Variants in PLCB3 observed in about 807,000 individuals in gnomAD.
PLCB3 encodes the protein 1-phosphatidylinositol 4,5-bisphosphate phosphodiesterase beta-3.
A neutral mutation model predicts 152.1 loss-of-function variants in PLCB3; 54 were observed. That is an observed-to-expected ratio of 0.36 (90% CI 0.29 to 0.45). PLCB3 has a LOEUF of 0.45. Among genes scored for constraint, PLCB3 ranks in the 20% least tolerant of loss-of-function variants. The pLI is 1.00. For missense variants in PLCB3, 1,248 were observed against 1,687.5 expected (o/e 0.74, Z 4.56); for synonymous variants, 717 against 698.7 (o/e 1.03, Z -0.41).
chr11:64,254,924 C>T lies in PLCB3; in HGVS notation c.273C>T (p.Gly91=). The T allele has an allele frequency of 1.2e-6, 2 of 1,605,254 alleles. No homozygotes were observed. Among genetic ancestry groups the T allele is most frequent in the South Asian group, 1.1e-5 (1 of 90,084 alleles). The stretch of plus-strand genomic sequence containing the variant: ...ACCCCAAGATCCGGGAAGTTCTGGG[C>T]TTTGGGGGTCCCGATGCCCGGCTGG... ...PKDPKIREVL[G]FGGPDARLEE... The change falls in exon 4 of 31, where the codon GGC becomes GGT. Residue 91 remains glycine, a synonymous_variant. Transcript: ENST00000279230.
At chr11:64,251,773 C>T in intron 1 of PLCB3, 25 bp downstream of exon 1, 2 of 1,320,824 alleles carry the variant, frequency 1.5e-6, no homozygotes, top group Non-Finnish European at 2.0e-6. Context: ...CCCTGCTCCG[C>T]CCAAATCCCG....
intron 1 of PLCB3, 66 bp downstream of exon 1, chr11:64,251,814 TG>T: frequency 3.1e-6 from 3 of 976,282 alleles, no homozygotes; most frequent in South Asian, 2.5e-5. Context: ...GACCAGACGC[TG>T]GGGACCCCCA....
chr11:64,260,641 C>T (rs1420567174), intron 14 of PLCB3, among the ~76,000 whole-genome samples: 3 of 151,864 alleles, frequency 2.0e-5, no homozygotes, highest in African/African-American at 4.8e-5. Context: ...GGCGTGGTGG[C>T]TCACACCTGT....
Position 64,254,424 on chromosome 11 carries a change from A to T in PLCB3, c.109A>T (p.Ser37Cys), listed in dbSNP as rs1035422005. ...CCTGTGCTGTCCTCAGGAGACCTCCAGTCGGAACCTGGTGACCCTGCGTGT... is the reference window on the plus strand; with the variant it reads ...CCTGTGCTGTCCTCAGGAGACCTCCTGTCGGAACCTGGTGACCCTGCGTGT... ...KFIKWDEETS[S>C]RNLVTLRVDP... Residue 37 changes from serine to cysteine, a missense_variant, in exon 2 of 31, where the codon AGT becomes TGT. Around this residue, in one of 6 missense-constraint regions of PLCB3, gnomAD observed 299 missense variants for 434.7 expected, o/e 0.69. Coordinates refer to ENST00000279230, the MANE Select transcript of PLCB3 (RefSeq NM_000932.5). 3.1e-6 allele frequency: 5 copies of T among 1,613,846 alleles called. No individual in the cohort carries two copies.
chr11:64,256,568 T>C (rs569919320), intron 9 of PLCB3, 26 bp downstream of exon 9: 2 of 1,612,838 alleles, frequency 1.2e-6, no homozygotes, highest in African/African-American at 2.7e-5. Flanking sequence ...TGCAGGTGGG[T>C]GGGGGCAGGT....
At chr11:64,263,052 C>T (rs903686367) in intron 19 of PLCB3, among the ~76,000 whole-genome samples, 5 of 152,142 alleles carry the variant, frequency 3.3e-5, no homozygotes, top group Admixed American at 6.5e-5. Flanking sequence ...TCTTGTGTCC[C>T]CTGCGAGGAG....
At position 64,251,630 on chromosome 11, in the gene PLCB3, G is replaced by A. The variant is rs2031204577; in HGVS notation, c.-20G>A. 2 of 1,394,514 alleles carry A rather than the reference G, an allele frequency of 1.4e-6. No individual in the cohort carries two copies. The highest frequency in any genetic ancestry group is 6.2e-5 in the East Asian group (2 of 32,078). 86.4% of individuals were successfully genotyped at this position (1,394,514 alleles called of 1,614,324 possible). On this transcript the variant is annotated 5_prime_UTR_variant, in exon 1 of 31. Transcript: ENST00000279230. ...CCCCGTCAGGGCTCCGTGGGTCCCC[G>A]ACCCGCCCCTGGCCGGGCCATGGCG...
chr11:64,267,695 A>C lies in PLCB3; in HGVS notation c.*139A>C, dbSNP rs2032199269. 3.1e-5 allele frequency: 22 copies of C among 699,382 alleles called. No homozygotes were observed. Among genetic ancestry groups the C allele is most frequent in the Non-Finnish European group, 4.4e-5 (19 of 432,070 alleles). The allele number at this position is 699,382 out of a possible 1,614,324, so 43.3% of individuals were successfully genotyped here. On this transcript the variant is annotated 3_prime_UTR_variant, in exon 31 of 31. Transcript: ENST00000279230. This position sits in a 1 kb window ranked among gnomAD's most constrained non-coding sequence, Gnocchi z 5.2. ...TTTTTAAACCCGGGGCAAGTACCTC[A>C]GCTAACTCCCTTCATCCTCCTGGGG...
At position 64,263,800 on chromosome 11, in the gene PLCB3, G is replaced by A. The variant is rs1195405333; in HGVS notation, c.2560+5G>A. On this transcript the variant is annotated splice_donor_5th_base_variant and intron_variant, in intron 21 of 30. Coordinates refer to ENST00000279230, the MANE Select transcript of PLCB3 (RefSeq NM_000932.5). ...ACATTCCTGACGACCACCAGGGTGA[G>A]CTGGGGGTGGGCGGGGCCTGCCTGG... The A allele has an allele frequency of 8.7e-6, 14 of 1,607,534 alleles. No homozygotes were observed. Among genetic ancestry groups the A allele is most frequent in the Non-Finnish European group, 1.2e-5 (14 of 1,175,140 alleles).
rs1013657289 is a variant in PLCB3 at position 64,267,096 on chromosome 11, G to A, written c.3415-89G>A. The stretch of plus-strand genomic sequence containing the variant: ...GATGTGAGCCACTGCACCCGGCCTC[G>A]CCCACCTGACTTCTATACCCAGCCA... On this transcript the variant is annotated intron_variant, in intron 29 of 30. Transcript: ENST00000279230. The surrounding 1 kb of genome is among the most constrained non-coding windows in gnomAD (Gnocchi z 5.2). 16 of 1,198,440 alleles carry A rather than the reference G, an allele frequency of 1.3e-5. 1 individual carries two copies. The Middle Eastern group carries it at 1.1e-3, about 80-fold the overall frequency. 74.2% of individuals were successfully genotyped at this position (1,198,440 alleles called of 1,614,324 possible).
In PLCB3 at chr11:64,251,766, T is replaced by C; in HGVS notation, c.99+18T>C. ...GGGACGAGGTAAGCGCGCGGGCCCC[T>C]GCTCCGCCCAAATCCCGGGACTCTT... On this transcript the variant is annotated intron_variant, in intron 1 of 30. Transcript: ENST00000279230. 1 of 1,358,928 alleles carries C rather than the reference T, an allele frequency of 7.4e-7. No individual in the cohort carries two copies. The highest frequency in any genetic ancestry group is 9.7e-7 in the Non-Finnish European group (1 of 1,028,584). 84.2% of individuals were successfully genotyped at this position (1,358,928 alleles called of 1,614,324 possible). A position where few individuals can be genotyped will look rare whatever the true frequency, so the allele number is the denominator to read the frequency against.
At position 64,254,801 on chromosome 11, in the gene PLCB3, C is replaced by T. The variant is rs751933790; in HGVS notation, c.231C>T (p.Tyr77=). 30 of 1,613,672 alleles carry T rather than the reference C, an allele frequency of 1.9e-5. No homozygotes were observed. The highest frequency in any genetic ancestry group is 4.5e-5 in the East Asian group (2 of 44,880). ...TCAGGGACACACGGACAGGCCGGTA[C>T]GCCCGCCTGCCCAAGGTGAGTGATG... ...SSIRDTRTGR[Y]ARLPKDPKIR... is the part of the protein sequence containing the mutation. The change falls in exon 3 of 31, where the codon TAC becomes TAT. Residue 77 remains tyrosine (Y), a synonymous_variant. Transcript: ENST00000279230.
chr11:64,251,780 C>T, intron 1 of PLCB3, 32 bp downstream of exon 1: 2 of 1,252,320 alleles, frequency 1.6e-6, no homozygotes, highest in Non-Finnish European at 2.1e-6. Flanking sequence ...CCGCCCAAAT[C>T]CCGGGACTCT....
intron 8 of PLCB3, 39 bp from the exon 9 acceptor site, chr11:64,256,337 G>A: frequency 6.3e-7 from 1 of 1,596,224 alleles, no homozygotes. Context: ...TGGGAGCCCT[G>A]CCAGGCTCCA....
At position 64,255,678 on chromosome 11, in the gene PLCB3, C is replaced by T. The variant is rs2849006; in HGVS notation, c.598-43C>T. The T allele has an allele frequency of 1.2e-6, 2 of 1,605,928 alleles. No individual in the cohort carries two copies. Among genetic ancestry groups the T allele is most frequent in the African/African-American group, 1.3e-5 (1 of 74,774 alleles). ...ACGGTGGGCACCCACCCTTACGGGG[C>T]TGCCCGCCCCTGGCTTCTCACCCCA... On this transcript the variant is annotated intron_variant, in intron 7 of 30. Coordinates refer to ENST00000279230, the MANE Select transcript of PLCB3 (RefSeq NM_000932.5). The surrounding 1 kb of genome is among the most constrained non-coding windows in gnomAD (Gnocchi z 6.8).
rs1442297295 is a variant in PLCB3 at position 64,265,967 on chromosome 11, G to A, written c.3117G>A (p.Val1039=). Residue 1039 remains valine (V), a synonymous_variant, in exon 26 of 31, where the codon GTG becomes GTA. Coordinates refer to ENST00000279230, the MANE Select transcript of PLCB3 (RefSeq NM_000932.5). ...KRYQEFQNRQ[V]QSLLELREAQ... is the part of the protein sequence containing the mutation. ...ATCAGGAGTTCCAGAACAGACAGGT[G>A]CAGAGCCTGCTGGAGCTGCGGGAGG... 18 of 1,614,068 alleles carry A rather than the reference G, an allele frequency of 1.1e-5. No homozygotes were observed. The highest frequency in any genetic ancestry group is 1.4e-5 in the Non-Finnish European group (17 of 1,180,016).
In PLCB3 at chr11:64,260,065, A is replaced by C. The variant is rs1236195612; in HGVS notation, c.1562A>C (p.Asn521Thr). The change falls in exon 14 of 31, where the codon AAT becomes ACT. Residue 521 changes from asparagine to threonine, a missense_variant. Asn to Thr is a moderately conservative substitution (Grantham distance 65). This residue lies in a region of PLCB3 where 105 missense variants were observed against 100.9 expected (regional missense o/e 1.04). Coordinates refer to ENST00000279230, the MANE Select transcript of PLCB3 (RefSeq NM_000932.5). ...PSSDSCPGLS[N>T]GEEVGLEKPS... The stretch of plus-strand genomic sequence containing the variant: ...TCTGACAGCTGCCCAGGCCTGAGCA[A>C]TGGGGAGGAGGTAGGGCTTGAGAAG... 6.2e-7 allele frequency: 1 copy of C among 1,611,900 alleles called. No individual in the cohort carries two copies. The highest frequency in any genetic ancestry group is 1.7e-5 in the Admixed American group (1 of 59,406).
At position 64,258,466 on chromosome 11, in the gene PLCB3, G is replaced by A. The variant is rs113115779; in HGVS notation, c.1013-7G>A. On this transcript the variant is annotated splice_polypyrimidine_tract_variant and splice_region_variant and intron_variant, in intron 10 of 30. Transcript: ENST00000279230. This position sits in a 1 kb window ranked among gnomAD's most constrained non-coding sequence, Gnocchi z 7.2. ...GCGGCCTCGGTGACAGAGCCTCGCC[G>A]CCCCAGCGGGGCAGCTGGCTGGGAC... The A allele has an allele frequency of 1.0e-4, 164 of 1,610,570 alleles. No individual in the cohort carries two copies. The highest frequency in any genetic ancestry group is 1.2e-4 in the Non-Finnish European group (147 of 1,178,542).
intron 14 of PLCB3, among the ~76,000 whole-genome samples, chr11:64,260,772 C>A (rs77412401): frequency 5.9e-3 from 423 of 71,360 alleles, no homozygotes; most frequent in South Asian, 0.014. Context: ...GACACTATCT[C>A]AAAAAAAAAA....
Sources: allele counts gnomAD v4.1 joint callset (sites outside exome capture counted in the v4.1 genomes callset), GRCh38; gene constraint gnomAD v4.1.1; regional missense constraint gnomAD v4.1.1; non-coding constraint Gnocchi (gnomAD v3.1); transcripts MANE v1.5; gene names NCBI Gene and HGNC (gene_info 2026-07-23, HGNC 2026-07-21).